NXPE4: variants seen among roughly 807,000 people sequenced by gnomAD.
The protein encoded by NXPE4 is NXPE family member 4.
NXPE4 carries 42 observed loss-of-function variants against 33.3 expected under a neutral mutation model. The ratio of observed to expected loss-of-function variants is 1.26; its 90% CI spans 0.98 to 1.63. NXPE4 has a LOEUF of 1.63. Ranked by LOEUF, NXPE4 falls within the 40% of genes most tolerant of loss-of-function variation. The pLI is 0.00. For missense variants in NXPE4, 709 were observed against 647.6 expected (o/e 1.09, Z -1.03); for synonymous variants, 253 against 234.9 (o/e 1.08, Z -0.71).
chr11:114,581,450 G>A (rs1949144084), intron 4 of NXPE4, among the ~76,000 whole-genome samples: 1 of 152,166 alleles, frequency 6.6e-6, no homozygotes, highest in Non-Finnish European at 1.5e-5. Context: ...TTGGGAAAGA[G>A]TTAACGTTTA....
the NXPE4 span, among the ~76,000 whole-genome samples, chr11:114,624,908 G>C: frequency 6.6e-6 from 1 of 152,140 alleles, no homozygotes; most frequent in Admixed American, 6.5e-5. Context: ...TGGCCTCATG[G>C]GTAACCACTG....
chr11:114,572,612 A>G (rs1948915984), intron 5 of NXPE4, among the ~76,000 whole-genome samples: 1 of 152,194 alleles, frequency 6.6e-6, no homozygotes, highest in African/African-American at 2.4e-5. Context: ...AGCAGAAAAA[A>G]GAACCTCAGA....
At chr11:114,598,119 A>G (rs757517021), upstream of NXPE4, among the ~76,000 whole-genome samples, 1 of 152,184 alleles carries the variant, frequency 6.6e-6, no homozygotes, top group African/African-American at 2.4e-5. Flanking sequence ...AAAGGGAAAA[A>G]TTGGCAGAAA....
chr11:114,604,683 C>T, the NXPE4 span, among the ~76,000 whole-genome samples: 2 of 151,952 alleles, frequency 1.3e-5, no homozygotes, highest in African/African-American at 2.4e-5. Flanking sequence ...TGGGTAACCA[C>T]AGTTACCTGG....
intron 2 of NXPE4, among the ~76,000 whole-genome samples, chr11:114,593,849 G>T (rs1949517910): frequency 6.6e-6 from 1 of 152,080 alleles, no homozygotes; most frequent in Non-Finnish European, 1.5e-5. Flanking sequence ...GTTATAAAAA[G>T]AACAAGATTC....
the NXPE4 span, among the ~76,000 whole-genome samples, chr11:114,635,740 T>C: frequency 1.3e-5 from 2 of 152,088 alleles, no homozygotes; most frequent in Non-Finnish European, 1.5e-5. Flanking sequence ...TTTTTGTCTT[T>C]GGTTCTGTTT....
At chr11:114,665,815 C>T in the NXPE4 span, among the ~76,000 whole-genome samples, 1 of 152,150 alleles carries the variant, frequency 6.6e-6, no homozygotes, top group South Asian at 2.1e-4. Context: ...CTTCCTATCA[C>T]ATTACTGTAA....
chr11:114,594,538 T>C (rs1949534955), intron 2 of NXPE4, 126 bp downstream of exon 2: 1 of 666,860 alleles, frequency 1.5e-6, no homozygotes, highest in East Asian at 2.6e-5. Flanking sequence ...GTATGTTGTT[T>C]GGTATCTAGC....
At chr11:114,583,742 CTAAAGTATCA>C (rs1949212000) in intron 2 of NXPE4, 4 of 512,396 alleles carry the variant, frequency 7.8e-6, no homozygotes, top group African/African-American at 5.8e-5. Flanking sequence ...CTTGGAACTG[CTAAAGTATCA>C]CCAGAGGGTG....
At chr11:114,642,794 G>A in the NXPE4 span, among the ~76,000 whole-genome samples, 2 of 152,000 alleles carry the variant, frequency 1.3e-5, no homozygotes, top group East Asian at 3.8e-4. Flanking sequence ...TGGGCTTGCT[G>A]GGTCAAATGG....
At chr11:114,651,375 C>T in the NXPE4 span, among the ~76,000 whole-genome samples, 2 of 151,900 alleles carry the variant, frequency 1.3e-5, no homozygotes, top group East Asian at 1.9e-4. Context: ...CTGGTGGGTT[C>T]GTGGTCTCGT....
At chr11:114,602,050 TATTA>T in the NXPE4 span, among the ~76,000 whole-genome samples, 2 of 93,826 alleles carry the variant, frequency 2.1e-5, no homozygotes, top group Non-Finnish European at 3.7e-5. Context: ...ATATATATTA[TATTA>T]TATATATTAT....
intron 5 of NXPE4, among the ~76,000 whole-genome samples, chr11:114,579,094 C>T (rs999700631): frequency 6.6e-5 from 10 of 152,158 alleles, no homozygotes; most frequent in Non-Finnish European, 1.3e-4. Flanking sequence ...AGCATGGCAT[C>T]GGCATCTGTT....
chr11:114,638,740 G>A, the NXPE4 span, among the ~76,000 whole-genome samples: 1 of 152,040 alleles, frequency 6.6e-6, no homozygotes, highest in Non-Finnish European at 1.5e-5. Context: ...TCCAGACCCT[G>A]TTTGCCTGGG....
the NXPE4 span, among the ~76,000 whole-genome samples, chr11:114,642,440 C>G: frequency 6.6e-6 from 1 of 151,990 alleles, no homozygotes; most frequent in Non-Finnish European, 1.5e-5. Context: ...CAGCCCCCGA[C>G]AGGCCCAGGT....
chr11:114,610,686 A>G, the NXPE4 span, among the ~76,000 whole-genome samples: 1 of 151,960 alleles, frequency 6.6e-6, no homozygotes, highest in Non-Finnish European at 1.5e-5. Flanking sequence ...CTCGTGGTTA[A>G]CCACTGTTAC....
the NXPE4 span, among the ~76,000 whole-genome samples, chr11:114,640,516 C>G: frequency 6.6e-6 from 1 of 151,636 alleles, no homozygotes; most frequent in Non-Finnish European, 1.5e-5. Context: ...AATTATAGTT[C>G]TTTGAGAAAC....
chr11:114,607,506 A>C, the NXPE4 span, among the ~76,000 whole-genome samples: 1 of 151,976 alleles, frequency 6.6e-6, no homozygotes, highest in Non-Finnish European at 1.5e-5. Flanking sequence ...CTGGATACTA[A>C]GTTTTGCCTG....
the NXPE4 span, among the ~76,000 whole-genome samples, chr11:114,609,417 G>T: frequency 6.6e-6 from 1 of 151,830 alleles, no homozygotes; most frequent in Non-Finnish European, 1.5e-5. Context: ...CTGTTACCCT[G>T]TGGATAATAA....
Sources: allele counts gnomAD v4.1 joint callset (sites outside exome capture counted in the v4.1 genomes callset), GRCh38; gene constraint gnomAD v4.1.1; transcripts MANE v1.5; gene names NCBI Gene and HGNC (gene_info 2026-07-23, HGNC 2026-07-21).